The following TMEM129 variants were observed in gnomAD, a reference collection of about 807,000 sequenced individuals.
TMEM129 encodes E3 ubiquitin-protein ligase TM129.
TMEM129 carries 35 observed loss-of-function variants against 34.1 expected under a neutral mutation model. That is an observed-to-expected ratio of 1.03 (90% CI 0.78 to 1.36). The LOEUF is 1.36. TMEM129 is among the 40% of genes most tolerant of loss of function. The pLI is 0.00. For synonymous variants in TMEM129, 239 were observed against 217.3 expected (o/e 1.10, Z -0.88); for missense variants, 504 against 512.6 (o/e 0.98, Z 0.16).
rs1279567535 is a variant in TMEM129, at chr4:1,718,733, A to G, written c.206-107T>C. On this transcript the variant is annotated intron_variant, in intron 1 of 3. Transcript: ENST00000382936. The stretch of plus-strand genomic sequence containing the variant: ...TGCCCGGGTTCCAGGGTCAGCTCCC[A>G]GGGTAATTGGGCTTTACCCACTCTG... The G allele has an allele frequency of 3.5e-6, 5 of 1,421,058 alleles. No individual in the cohort carries two copies. In the East Asian group the frequency reaches 1.3e-4, roughly 36 times the overall value. 88.0% of individuals were successfully genotyped at this position (1,421,058 alleles called of 1,614,324 possible). A position where few individuals can be genotyped will look rare whatever the true frequency, so the allele number is the denominator to read the frequency against.
At chr4:1,718,736 G>A in intron 1 of TMEM129, 110 bp from the exon 2 acceptor site, 1 of 1,420,368 alleles carries the variant, frequency 7.0e-7, no homozygotes, top group Non-Finnish European at 9.1e-7. Flanking sequence ...AGCTCCCAGG[G>A]TAATTGGGCT....
rs144037688 is a variant in TMEM129 at position 1,718,458 on chromosome 4, G to C, written c.374C>G (p.Ala125Gly). The C allele has an allele frequency of 4.1e-5, 64 of 1,565,820 alleles. No homozygotes were observed. The highest frequency in any genetic ancestry group is 5.5e-5 in the Non-Finnish European group (63 of 1,154,150). The change falls in exon 2 of 4, where the codon GCG (alanine) becomes GGG (glycine). Residue 125 changes from alanine (A) to glycine (G), a missense_variant. Transcript: ENST00000382936. ...GAGGGCGTAGAGGGCCAGGGTGCGC[G>C]CCAGTGGGTGGCAGGCCCACCGGTC... The part of the protein sequence containing the change: ...SRDRWACHPL[A>G]RTLALYALPQ...
intron 2 of TMEM129, 57 bp from the exon 3 acceptor site, chr4:1,717,732 G>A (rs1717045688): frequency 6.9e-7 from 1 of 1,453,984 alleles, no homozygotes; most frequent in Admixed American, 2.7e-5. Context: ...GGAAGATGGA[G>A]GCTACACCCC....
Position 1,718,321 on chromosome 4 carries a change from C to G in TMEM129, c.511G>C (p.Val171Leu). 1.2e-6 allele frequency: 2 copies of G among 1,613,558 alleles called. No homozygotes were observed. The highest frequency in any genetic ancestry group is 2.2e-5 in the East Asian group (1 of 44,882). ...GARVIVTDTWVMKVTTYRVHV... is the reference protein window; with the variant it reads ...GARVIVTDTWLMKVTTYRVHV... ...ACTCGGTAGGTGGTTACCTTCATCA[C>G]CCACGTGTCTGTCACAATCACACGG... Residue 171 changes from valine to leucine, a missense_variant, in exon 2 of 4, where the codon GTG (valine) becomes CTG (leucine). Val to Leu is a conservative substitution (Grantham distance 32, BLOSUM62 1). Coordinates refer to ENST00000382936, the MANE Select transcript of TMEM129 (RefSeq NM_001127266.2).
Position 1,716,446 on chromosome 4 carries a change from G to C in TMEM129, c.*734C>G, listed in dbSNP as rs576054244. The C allele has an allele frequency of 6.6e-6, 1 of 152,412 alleles. No homozygotes were observed. The highest frequency in any genetic ancestry group is 1.5e-5 in the Non-Finnish European group (1 of 68,202). The allele number at this position is 152,412 out of a possible 1,614,324, so 9.4% of individuals were successfully genotyped here. A position where few individuals can be genotyped will look rare whatever the true frequency, so the allele number is the denominator to read the frequency against. On this transcript the variant is annotated 3_prime_UTR_variant, in exon 4 of 4. Transcript: ENST00000382936. ...CTGGTGGGCTTGTGTTCTGGATGTC[G>C]CTATGGCACTTTGGTCCTCAACTCA...
chr4:1,719,601 G>A (rs577885425), intron 1 of TMEM129, among the ~76,000 whole-genome samples: 19 of 152,352 alleles, frequency 1.2e-4, no homozygotes, highest in African/African-American at 4.6e-4. Flanking sequence ...AATAAAAAGA[G>A]CTTGACATCC....
chr4:1,717,498 C>T lies in TMEM129; in HGVS notation c.840+18G>A, dbSNP rs1577195463. ...TGGGCACCCACCCATCCACCCGGCC[C>T]TGGCCCAGGCCCCCCACCTGGCTGC... On this transcript the variant is annotated intron_variant, in intron 3 of 3. Transcript: ENST00000382936. 2.7e-6 allele frequency: 4 copies of T among 1,509,026 alleles called. No homozygotes were observed. Among genetic ancestry groups the T allele is most frequent in the African/African-American group, 2.8e-5 (2 of 72,514 alleles). The allele number at this position is 1,509,026 out of a possible 1,614,324, so 93.5% of individuals were successfully genotyped here. A position where few individuals can be genotyped will look rare whatever the true frequency, so the allele number is the denominator to read the frequency against.
chr4:1,717,336 C>T lies in TMEM129; in HGVS notation c.933G>A (p.Gln311=), dbSNP rs1717016834. 3.9e-6 allele frequency: 6 copies of T among 1,537,134 alleles called. No individual in the cohort carries two copies. The highest frequency in any genetic ancestry group is 5.3e-6 in the Non-Finnish European group (6 of 1,136,426). The change falls in exon 4 of 4, where the codon CAG becomes CAA. Residue 311 remains glutamine (Q), a synonymous_variant. Transcript: ENST00000382936. ...CQEAATGECQ[Q]CYCRPMWCLT... ...GGCACCACATGGGGCGGCAGTAACA[C>T]TGCTGGCACTCGCCTGTGGCTGCCT...
Position 1,720,697 on chromosome 4 carries a change from G to A in TMEM129, c.141C>T (p.Ala47=), listed in dbSNP as rs955232876. ...LSGWLGSEDA[A]FVPFHLRRTA... The stretch of plus-strand genomic sequence containing the variant: ...TGCGGCGCAAGTGGAAGGGCACGAA[G>A]GCGGCGTCCTCGCTGCCCAGCCAGC... Residue 47 remains alanine, a synonymous_variant, in exon 1 of 4, where the codon GCC becomes GCT. Transcript: ENST00000382936. The surrounding 1 kb of genome is among the most constrained non-coding windows in gnomAD (Gnocchi z 4.4). 3 of 1,554,456 alleles carry A rather than the reference G, an allele frequency of 1.9e-6. No individual in the cohort carries two copies. The highest frequency in any genetic ancestry group is 2.6e-6 in the Non-Finnish European group (3 of 1,150,390).
rs1716998041 is a variant in TMEM129, at chr4:1,717,116, C to T, written c.*64G>A. ...CCCTTTGCCAGCCAGGAGGCCCAGC[C>T]ACCCCCTTCCCTGCCCTGTGGCTTT... On this transcript the variant is annotated 3_prime_UTR_variant, in exon 4 of 4. Transcript: ENST00000382936. 1.5e-6 allele frequency: 2 copies of T among 1,376,882 alleles called. No individual in the cohort carries two copies. Among genetic ancestry groups the T allele is most frequent in the African/African-American group, 1.5e-5 (1 of 68,008 alleles). The allele number at this position is 1,376,882 out of a possible 1,614,324, so 85.3% of individuals were successfully genotyped here.
At chr4:1,719,819 G>T (rs2108675430) in intron 1 of TMEM129, among the ~76,000 whole-genome samples, 1 of 152,278 alleles carries the variant, frequency 6.6e-6, no homozygotes, top group African/African-American at 2.4e-5. Flanking sequence ...CATGAGGCAG[G>T]CCTGGGCGCC....
chr4:1,720,589 C>A lies in TMEM129; in HGVS notation c.205+44G>T, dbSNP rs1330056570. On this transcript the variant is annotated intron_variant, in intron 1 of 3. Coordinates refer to ENST00000382936, the MANE Select transcript of TMEM129 (RefSeq NM_001127266.2). The surrounding 1 kb of genome is among the most constrained non-coding windows in gnomAD (Gnocchi z 4.4). ...GCCTCCTCCTGACCTCCCAGCAAGCCCTGCGCAGGAGAGGATGCGGCCGGC... is the reference window on the plus strand; with the variant it reads ...GCCTCCTCCTGACCTCCCAGCAAGCACTGCGCAGGAGAGGATGCGGCCGGC... 1 of 1,514,058 alleles carries A rather than the reference C, an allele frequency of 6.6e-7. No individual in the cohort carries two copies. Among genetic ancestry groups the A allele is most frequent in the East Asian group, 2.5e-5 (1 of 40,162 alleles). The allele number at this position is 1,514,058 out of a possible 1,614,324, so 93.8% of individuals were successfully genotyped here. A position where few individuals can be genotyped will look rare whatever the true frequency, so the allele number is the denominator to read the frequency against.
chr4:1,720,140 G>C lies in TMEM129; in HGVS notation c.205+493C>G, dbSNP rs190975879. 4.6e-5 allele frequency among the ~76,000 whole-genome samples: 7 copies of C among 152,222 alleles called. No individual in the cohort carries two copies. Among genetic ancestry groups the C allele is most frequent in the African/African-American group, 1.7e-4 (7 of 41,546 alleles). On this transcript the variant is annotated intron_variant, in intron 1 of 3. Transcript: ENST00000382936. The surrounding 1 kb of genome is among the most constrained non-coding windows in gnomAD (Gnocchi z 4.4). ...CTGGACAACTCTGAGCGTCCCACCT[G>C]CACTGCACAGAGGCCCTCCCCAGCC...
rs1032250033 is a variant in TMEM129 at position 1,717,216 on chromosome 4, T to C, written c.1053A>G (p.Ala351=). The C allele has an allele frequency of 2.0e-6, 3 of 1,492,038 alleles. No homozygotes were observed. The highest frequency in any genetic ancestry group is 2.7e-6 in the Non-Finnish European group (3 of 1,114,232). 92.4% of individuals were successfully genotyped at this position (1,492,038 alleles called of 1,614,324 possible). The part of the protein sequence containing the change: ...ASRVPCPTCR[A]RFCILDVCTV... ...TGCACACATCCAGGATGCAGAAGCG[T>C]GCGCGGCAGGTGGGGCAGGGCACGC... The change falls in exon 4 of 4, where the codon GCA becomes GCG. Residue 351 remains alanine (A), a synonymous_variant. Coordinates refer to ENST00000382936, the MANE Select transcript of TMEM129 (RefSeq NM_001127266.2).
At chr4:1,718,651 G>A in intron 1 of TMEM129, 25 bp from the exon 2 acceptor site, 1 of 1,441,258 alleles carries the variant, frequency 6.9e-7, no homozygotes, top group African/African-American at 1.4e-5. Flanking sequence ...GTGAGCCTCA[G>A]GGGAAAGTGA....
chr4:1,719,013 G>T (rs979278892), intron 1 of TMEM129: 2 of 1,281,238 alleles, frequency 1.6e-6, no homozygotes, highest in African/African-American at 1.5e-5. Flanking sequence ...ATCAAATGTG[G>T]TGCATCCCAG....
At chr4:1,717,965 C>T (rs1023153313) in intron 2 of TMEM129, 187 bp downstream of exon 2, 2 of 682,698 alleles carry the variant, frequency 2.9e-6, no homozygotes, top group East Asian at 2.7e-5. Context: ...CAGGGGGACC[C>T]GAGGGAGGGC....
rs143782761 is a variant in TMEM129, at chr4:1,718,257, G to T, written c.575C>A (p.Thr192Lys). 4 of 1,610,448 alleles carry T rather than the reference G, an allele frequency of 2.5e-6. No individual in the cohort carries two copies. The highest frequency in any genetic ancestry group is 1.1e-5 in the South Asian group (1 of 90,350). Residue 192 changes from threonine to lysine, a missense_variant, in exon 2 of 4, where the codon ACG (threonine) becomes AAG (lysine). Coordinates refer to ENST00000382936, the MANE Select transcript of TMEM129 (RefSeq NM_001127266.2). Reference protein sequence around the residue: ...AQQQDVHLTVTESRQHELSPD... With the variant: ...AQQQDVHLTVKESRQHELSPD... Reference sequence around the variant, plus strand: ...CGAGAGCTCATGCTGCCGAGACTCCGTCACAGTCAGGTGCACGTCCTGCTG... The same window carrying T: ...CGAGAGCTCATGCTGCCGAGACTCCTTCACAGTCAGGTGCACGTCCTGCTG...
chr4:1,717,757 C>T, intron 2 of TMEM129, 82 bp from the exon 3 acceptor site: 1 of 1,437,860 alleles, frequency 7.0e-7, no homozygotes, highest in Non-Finnish European at 9.2e-7. Context: ...AGTGACAGGG[C>T]AGCTGTCGCA....
Sources: allele counts gnomAD v4.1 joint callset (sites outside exome capture counted in the v4.1 genomes callset), GRCh38; gene constraint gnomAD v4.1.1; non-coding constraint Gnocchi (gnomAD v3.1); transcripts MANE v1.5; gene names NCBI Gene and HGNC (gene_info 2026-07-23, HGNC 2026-07-21).